The following PSMG2 variants were observed in gnomAD, a reference collection of about 807,000 sequenced individuals.
The protein encoded by PSMG2 is proteasome assembly chaperone 2, also known as CD40 ligand-activated specific transcript 3.
PSMG2 carries 21 observed loss-of-function variants against 31.5 expected under a neutral mutation model. The ratio of observed to expected loss-of-function variants is 0.67; its 90% confidence interval spans 0.47 to 0.96. The LOEUF (loss-of-function observed/expected upper bound fraction) is 0.96, where lower values mean the gene tolerates loss of function less well. Among genes scored for constraint, PSMG2 ranks in the 40% least tolerant of loss-of-function variants. PSMG2 has a pLI of 0.00. For missense variants in PSMG2, 318 were observed against 321.2 expected (o/e 0.99, Z 0.08); for synonymous variants, 120 against 110.4 (o/e 1.09, Z -0.54).
intron 2 of PSMG2, among the ~76,000 whole-genome samples, chr18:12,708,828 C>T (rs369944619): frequency 1.3e-5 from 2 of 148,970 alleles, no homozygotes; most frequent in Non-Finnish European, 3.0e-5. Context: ...GCCTCAGCCT[C>T]CCGAGTAGCT....
chr18:12,718,586 G>C lies in PSMG2; in HGVS notation c.358G>C (p.Val120Leu). Residue 120 changes from valine (V) to leucine (L), a missense_variant, in exon 4 of 7, where the codon GTT (valine) becomes CTT (leucine). Physicochemically the swap from Val to Leu is conservative, Grantham distance 32. Transcript: ENST00000317615. ...VKSSGCARVIVLSSSHSYQRN... is the reference protein window; with the variant it reads ...VKSSGCARVILLSSSHSYQRN... ...AAGCAGTGGCTGTGCCAGAGTCATTGTTCTTTCAAGCAGTCATTCATATCA... is the reference window on the plus strand; with the variant it reads ...AAGCAGTGGCTGTGCCAGAGTCATTCTTCTTTCAAGCAGTCATTCATATCA... The C allele has an allele frequency of 1.2e-6, 2 of 1,612,586 alleles. No homozygotes were observed. The highest frequency in any genetic ancestry group is 1.1e-5 in the South Asian group (1 of 90,888).
intron 1 of PSMG2, among the ~76,000 whole-genome samples, chr18:12,688,701 A>G (rs78421903): frequency 0.076 from 11,651 of 152,306 alleles, 613 homozygotes; most frequent in Middle Eastern, 0.16. Flanking sequence ...AGCTATTTAA[A>G]TTTTAATTAA....
rs753475509 is a variant in PSMG2, at chr18:12,720,508, A to G, written c.408-2A>G. ...AAAAGTTAACTATATGATTATTTCTAGTACTCCCTTCCGGTACCTACTTAC... is the reference window on the plus strand; with the variant it reads ...AAAAGTTAACTATATGATTATTTCTGGTACTCCCTTCCGGTACCTACTTAC... On this transcript the variant is annotated splice_acceptor_variant, in intron 4 of 6. Coordinates refer to ENST00000317615, the MANE Select transcript of PSMG2 (RefSeq NM_020232.5). LOFTEE classifies it high-confidence loss of function. 5.1e-6 allele frequency: 8 copies of G among 1,578,390 alleles called. No individual in the cohort carries two copies. In the African/African-American group the frequency reaches 1.1e-4, roughly 22 times the overall value.
At chr18:12,680,677 C>G in intron 1 of PSMG2, 4 of 1,600,254 alleles carry the variant, frequency 2.5e-6, no homozygotes, top group Non-Finnish European at 3.4e-6. Flanking sequence ...TCCTGTTAAA[C>G]TCTCCCAAAA....
intron 1 of PSMG2, among the ~76,000 whole-genome samples, chr18:12,663,905 C>G (rs1194287901): frequency 2.0e-5 from 3 of 152,150 alleles, no homozygotes; most frequent in African/African-American, 7.2e-5. Flanking sequence ...TGGTTTATGC[C>G]TGTAATCCCA....
rs1195220519 is a variant in PSMG2, at chr18:12,703,122, C to A, written c.15C>A (p.Cys5Ter). The change falls in exon 1 of 7, where the codon TGC becomes TGA. Residue 5 changes from cysteine to a stop codon, truncating the protein, a stop_gained. Coordinates refer to ENST00000317615, the MANE Select transcript of PSMG2 (RefSeq NM_020232.5). LOFTEE classifies it high-confidence loss of function. MFVP[C>*]GESAPDLAGF... ...CCACTGCGACCATGTTCGTTCCCTG[C>A]GGGGAGTCGGCCCCCGACCTTGCCG... 2.5e-6 allele frequency: 4 copies of A among 1,612,368 alleles called. No homozygotes were observed. In the African/African-American group the frequency reaches 5.3e-5, roughly 22 times the overall value.
chr18:12,724,816 T>TA (rs1451844835), intron 6 of PSMG2, 197 bp downstream of exon 6: 11 of 516,524 alleles, frequency 2.1e-5, no homozygotes, highest in Non-Finnish European at 3.3e-5. Flanking sequence ...GTTTTTTCAT[T>TA]AAAGCTGACT....
chr18:12,699,272 G>A, upstream of PSMG2: 1 of 1,130,516 alleles, frequency 8.8e-7, no homozygotes, highest in Non-Finnish European at 1.3e-6. Flanking sequence ...AAGACATTAG[G>A]AAATAAAAAC....
intron 3 of PSMG2, among the ~76,000 whole-genome samples, chr18:12,718,005 CTT>C (rs2040394075): frequency 7.0e-6 from 1 of 141,896 alleles, no homozygotes; most frequent in Non-Finnish European, 1.5e-5. Flanking sequence ...TTTTCTTTTT[CTT>C]TTTTCTTTTT....
chr18:12,721,221 T>C (rs1418383546), intron 5 of PSMG2, among the ~76,000 whole-genome samples: 1 of 152,194 alleles, frequency 6.6e-6, no homozygotes, highest in Non-Finnish European at 1.5e-5. Context: ...GGTACTATTG[T>C]AGAGCTCTTG....
At chr18:12,665,565 C>T (rs78543731) in intron 1 of PSMG2, among the ~76,000 whole-genome samples, 11,682 of 152,210 alleles carry the variant, frequency 0.077, 622 homozygotes, top group Middle Eastern at 0.16. Flanking sequence ...CTCCTACTCT[C>T]GACCTAGCAA....
Position 12,707,204 on chromosome 18 carries a change from C to T in PSMG2, c.229+483C>T, listed in dbSNP as rs560045241. ...CAATATTCTGACTTCGTGATCCAAC[C>T]GCCTCAGCCTTCCAAAGTGCTGGGA... On this transcript the variant is annotated intron_variant, in intron 2 of 6. Coordinates refer to ENST00000317615, the MANE Select transcript of PSMG2 (RefSeq NM_020232.5). 4.6e-5 allele frequency among the ~76,000 whole-genome samples: 7 copies of T among 152,236 alleles called. No individual in the cohort carries two copies. In the East Asian group the frequency reaches 5.8e-4, roughly 13 times the overall value.
chr18:12,663,217 A>C (rs1220156756), intron 1 of PSMG2, among the ~76,000 whole-genome samples: 1 of 152,240 alleles, frequency 6.6e-6, no homozygotes, highest in Non-Finnish European at 1.5e-5. Context: ...GATTTCAAAC[A>C]TTAGGACAAG....
At chr18:12,687,454 ATTT>A (rs1259960536) in intron 1 of PSMG2, among the ~76,000 whole-genome samples, 4 of 140,710 alleles carry the variant, frequency 2.8e-5, no homozygotes, top group Admixed American at 7.2e-5. Flanking sequence ...GAAGGCATCA[ATTT>A]TTTTTTTTTT....
Position 12,705,572 on chromosome 18 carries a change from A to AGTGTGTGT in PSMG2, c.58-977_58-976insTGTGTGTG, listed in dbSNP as rs1341255881. ...GAGAGAGAGAGAGAGAGAGAGAGAG[A>AGTGTGTGT]GAGAGTGTGTGTGTGTGTGTGTGTG... On this transcript the variant is annotated intron_variant, in intron 1 of 6. Transcript: ENST00000317615. Among the ~76,000 whole-genome samples the AGTGTGTGT allele has an allele frequency of 3.5e-3, 457 of 129,252 alleles. 1 individual carries two copies. Among genetic ancestry groups the AGTGTGTGT allele is most frequent in the South Asian group, 0.016 (66 of 4,020 alleles). The allele number at this position is 129,252 out of a possible 152,430, so 84.8% of individuals were successfully genotyped here.
At chr18:12,672,662 A>G (rs1213942082) in intron 1 of PSMG2, 1 of 981,778 alleles carries the variant, frequency 1.0e-6, no homozygotes, top group Non-Finnish European at 1.2e-6. Context: ...TATCAGTATC[A>G]TAACAAAGAG....
intron 1 of PSMG2, chr18:12,691,489 T>C (rs974989710): frequency 2.5e-6 from 4 of 1,577,724 alleles, no homozygotes; most frequent in Non-Finnish European, 3.4e-6. Flanking sequence ...CAAAGCAAGC[T>C]TGAAATTGAA....
intron 1 of PSMG2, among the ~76,000 whole-genome samples, chr18:12,705,669 A>G (rs1425719533): frequency 6.6e-6 from 1 of 151,840 alleles, no homozygotes; most frequent in East Asian, 1.9e-4. Flanking sequence ...AGCAAATGGT[A>G]AGCAGACCCA....
intron 1 of PSMG2, among the ~76,000 whole-genome samples, chr18:12,687,145 C>T (rs1342443606): frequency 6.6e-6 from 1 of 152,078 alleles, no homozygotes; most frequent in South Asian, 2.1e-4. Flanking sequence ...GTTACTGATA[C>T]GGCACTGTGA....
Sources: allele counts gnomAD v4.1 joint callset (sites outside exome capture counted in the v4.1 genomes callset), GRCh38; gene constraint gnomAD v4.1.1; transcripts MANE v1.5; gene names NCBI Gene and HGNC (gene_info 2026-07-23, HGNC 2026-07-21).